FFAR4: variants seen among roughly 807,000 people sequenced by gnomAD.
FFAR4 encodes the protein free fatty acid receptor 4, also known as G-protein coupled receptor 120.
In FFAR4, 19 loss-of-function variants were observed where a neutral mutation model predicts 27.0. The observed-to-expected ratio is 0.70, with a 90% CI of 0.49 to 1.03. FFAR4 has a LOEUF of 1.03. Ranked by LOEUF, FFAR4 falls within the 50% of genes least tolerant of loss-of-function variation. The pLI is 0.00. For synonymous variants in FFAR4, 254 were observed against 215.6 expected (o/e 1.18, Z -1.56); for missense variants, 476 against 479.0 (o/e 0.99, Z 0.06).
intron 2 of FFAR4, among the ~76,000 whole-genome samples, chr10:93,579,629 G>A (rs1039119980): frequency 2.0e-5 from 3 of 152,214 alleles, no homozygotes; most frequent in Non-Finnish European, 4.4e-5. Flanking sequence ...TGAGAGCAGA[G>A]GTTTTGGTTT....
intron 1 of FFAR4, 63 bp from the exon 2 acceptor site, chr10:93,576,028 A>T: frequency 6.4e-7 from 1 of 1,568,066 alleles, no homozygotes; most frequent in South Asian, 1.1e-5. Flanking sequence ...CCTCAATAAG[A>T]CTGAGCCAGA....
intron 2 of FFAR4, among the ~76,000 whole-genome samples, chr10:93,583,555 T>G (rs759859648): frequency 6.6e-6 from 1 of 152,002 alleles, no homozygotes; most frequent in African/African-American, 2.4e-5. Context: ...TTCCTGGCAT[T>G]AGAGTTTGGA....
chr10:93,582,105 G>A (rs73327243), intron 2 of FFAR4, among the ~76,000 whole-genome samples: 4,056 of 152,258 alleles, frequency 0.027, 74 homozygotes, highest in East Asian at 0.066. Flanking sequence ...TGAAATCCTG[G>A]ATCAATGTTA....
intron 1 of FFAR4, among the ~76,000 whole-genome samples, chr10:93,571,728 T>A (rs1361306557): frequency 6.6e-6 from 1 of 152,226 alleles, no homozygotes; most frequent in African/African-American, 2.4e-5. Flanking sequence ...ATCTCTTGCA[T>A]TAATATTTTC....
chr10:93,570,412 C>A (rs1384973034), intron 1 of FFAR4, among the ~76,000 whole-genome samples: 1 of 151,190 alleles, frequency 6.6e-6, no homozygotes, highest in Non-Finnish European at 1.5e-5. Context: ...CTGGTCTAGA[C>A]TGACTGAGTC....
At chr10:93,572,574 T>G (rs924374960) in intron 1 of FFAR4, among the ~76,000 whole-genome samples, 1 of 151,980 alleles carries the variant, frequency 6.6e-6, no homozygotes, top group Non-Finnish European at 1.5e-5. Context: ...GAAAATGCAA[T>G]AGGTGGATAA....
intron 2 of FFAR4, among the ~76,000 whole-genome samples, chr10:93,583,766 C>T (rs2134555354): frequency 6.6e-6 from 1 of 152,330 alleles, no homozygotes; most frequent in East Asian, 1.9e-4. Context: ...GGGATCATCA[C>T]AGTACATATG....
At chr10:93,570,609 C>G (rs2058126522) in intron 1 of FFAR4, among the ~76,000 whole-genome samples, 1 of 152,182 alleles carries the variant, frequency 6.6e-6, no homozygotes, top group Admixed American at 6.5e-5. Context: ...GCTCCCTCCC[C>G]TCAAGGAGCG....
At position 93,588,496 on chromosome 10, in the gene FFAR4, G is replaced by A. The variant is rs2134560782; in HGVS notation, c.*887G>A. On this transcript the variant is annotated 3_prime_UTR_variant, in exon 3 of 3. Transcript: ENST00000371481. ...TAGGATGGCTCTGAAATGTTTGAGA[G>A]TGAGTTCAGGAGTGGTTTACTCCTG... 6.6e-6 allele frequency: 1 copy of A among 151,926 alleles called. No individual in the cohort carries two copies. The highest frequency in any genetic ancestry group is 1.9e-4 in the East Asian group (1 of 5,156). The allele number at this position is 151,926 out of a possible 1,614,324, so 9.4% of individuals were successfully genotyped here.
chr10:93,581,872 G>A (rs57454804), intron 2 of FFAR4, among the ~76,000 whole-genome samples: 4,447 of 152,118 alleles, frequency 0.029, 203 homozygotes, highest in African/African-American at 0.097. Flanking sequence ...GTGCCTCACC[G>A]GAGAAGACAC....
intron 2 of FFAR4, among the ~76,000 whole-genome samples, chr10:93,584,459 C>T (rs1417038516): frequency 1.3e-5 from 2 of 152,188 alleles, no homozygotes; most frequent in Non-Finnish European, 2.9e-5. Flanking sequence ...GAAGTGGGAA[C>T]AATGATAGTA....
rs2058251613 is a variant in FFAR4 at position 93,589,752 on chromosome 10, C to T, written c.*2143C>T. On this transcript the variant is annotated 3_prime_UTR_variant, in exon 3 of 3. Coordinates refer to ENST00000371481, the MANE Select transcript of FFAR4 (RefSeq NM_001195755.2). ...GGAGATATAAATGGTGTTTATAGACCTATGGTTTTATAATACATCCCTTGG... is the reference window on the plus strand; with the variant it reads ...GGAGATATAAATGGTGTTTATAGACTTATGGTTTTATAATACATCCCTTGG... The T allele has an allele frequency of 6.6e-6, 1 of 152,070 alleles. No individual in the cohort carries two copies. The highest frequency in any genetic ancestry group is 2.1e-4 in the South Asian group (1 of 4,814). The allele number at this position is 152,070 out of a possible 1,614,324, so 9.4% of individuals were successfully genotyped here.
rs1263739713 is a variant in FFAR4 at position 93,589,193 on chromosome 10, G to C, written c.*1584G>C. 1 of 152,370 alleles carries C rather than the reference G, an allele frequency of 6.6e-6. No homozygotes were observed. The highest frequency in any genetic ancestry group is 1.5e-5 in the Non-Finnish European group (1 of 68,162). 9.4% of individuals were successfully genotyped at this position (152,370 alleles called of 1,614,324 possible). A position where few individuals can be genotyped will look rare whatever the true frequency, so the allele number is the denominator to read the frequency against. On this transcript the variant is annotated 3_prime_UTR_variant, in exon 3 of 3. Transcript: ENST00000371481. Reference sequence around the variant, plus strand: ...CCTGTCAGTTGAGGCCAGAGAAATTGCAGGGTTAGATCACATAGGGCCTAG... The same window carrying C: ...CCTGTCAGTTGAGGCCAGAGAAATTCCAGGGTTAGATCACATAGGGCCTAG...
At chr10:93,573,069 T>C (rs1217923329) in intron 1 of FFAR4, among the ~76,000 whole-genome samples, 1 of 151,992 alleles carries the variant, frequency 6.6e-6, no homozygotes, top group Non-Finnish European at 1.5e-5. Context: ...CAACCCCCCC[T>C]GGGTGGCTCT....
chr10:93,579,383 T>A (rs997126676), intron 2 of FFAR4, among the ~76,000 whole-genome samples: 7 of 152,168 alleles, frequency 4.6e-5, no homozygotes, highest in African/African-American at 1.7e-4. Context: ...GCCACCATAC[T>A]GCTGCCCCAG....
At chr10:93,578,626 T>C (rs903467197) in intron 2 of FFAR4, among the ~76,000 whole-genome samples, 1 of 152,150 alleles carries the variant, frequency 6.6e-6, no homozygotes, top group Non-Finnish European at 1.5e-5. Context: ...TACAGAGTTG[T>C]TGTGAGGCAT....
At chr10:93,568,379 C>A (rs1357579052) in intron 1 of FFAR4, among the ~76,000 whole-genome samples, 1 of 152,192 alleles carries the variant, frequency 6.6e-6, no homozygotes, top group African/African-American at 2.4e-5. Flanking sequence ...CTTGGCCTCC[C>A]CTTCCCTGCC....
rs751597509 is a variant in FFAR4 at position 93,567,095 on chromosome 10, C to T, written c.375C>T (p.Thr125=). 1.9e-5 allele frequency: 30 copies of T among 1,609,614 alleles called. No homozygotes were observed. Among genetic ancestry groups the T allele is most frequent in the Middle Eastern group, 1.6e-4 (1 of 6,076 alleles). The part of the protein sequence containing the change: ...FYVMTLSGSV[T]ILTLAAVSLE... ...TGATGACCCTGAGCGGCAGCGTCAC[C>T]ATCCTCACGCTGGCCGCGGTCAGCC... Residue 125 remains threonine (T), a synonymous_variant, in exon 1 of 3, where the codon ACC becomes ACT. Coordinates refer to ENST00000371481, the MANE Select transcript of FFAR4 (RefSeq NM_001195755.2).
intron 2 of FFAR4, among the ~76,000 whole-genome samples, chr10:93,581,271 G>A (rs1233609904): frequency 6.6e-6 from 1 of 152,208 alleles, no homozygotes; most frequent in Non-Finnish European, 1.5e-5. Flanking sequence ...CTGAACATGA[G>A]GGTGTTAGAC....
Sources: allele counts gnomAD v4.1 joint callset (sites outside exome capture counted in the v4.1 genomes callset), GRCh38; gene constraint gnomAD v4.1.1; transcripts MANE v1.5; gene names NCBI Gene and HGNC (gene_info 2026-07-23, HGNC 2026-07-21).